The following CDC42BPA variants were observed in gnomAD, a reference collection of about 807,000 sequenced individuals.
CDC42BPA encodes the protein serine/threonine-protein kinase MRCK alpha.
CDC42BPA carries 80 observed loss-of-function variants against 223.5 expected under a neutral mutation model. The ratio of observed to expected loss-of-function variants is 0.36; its 90% CI spans 0.30 to 0.43. CDC42BPA has a LOEUF of 0.43. Ranked by LOEUF, CDC42BPA falls within the 20% of genes least tolerant of loss-of-function variation. The pLI is 1.00. For synonymous variants in CDC42BPA, 694 were observed against 718.6 expected, an observed-to-expected ratio of 0.97 and a Z score of 0.55; for missense variants, 1,743 against 2,099.9, an observed-to-expected ratio of 0.83 and a Z score of 3.32.
chr1:227,018,947 G>A (rs1666839746), intron 32 of CDC42BPA, among the ~76,000 whole-genome samples: 1 of 152,198 alleles, frequency 6.6e-6, no homozygotes. Flanking sequence ...TGGATAAGCT[G>A]CTGACTGAGC....
Position 227,073,975 on chromosome 1 carries a change from T to A in CDC42BPA, c.2624A>T (p.Asp875Val). ...CTGCAACTCCAGTCTAGCTGACATATCCAGTTTCGCAAAACGACGCATTTT... is the reference window on the plus strand; with the variant it reads ...CTGCAACTCCAGTCTAGCTGACATAACCAGTTTCGCAAAACGACGCATTTT... Reference protein sequence around the residue: ...PWKMRRFAKLDMSARLELQSA... With the variant: ...PWKMRRFAKLVMSARLELQSA... Residue 875 changes from aspartate (D) to valine (V), a missense_variant, in exon 19 of 37, where the codon GAT (aspartate) becomes GTT (valine). Coordinates refer to ENST00000366766, the MANE Select transcript of CDC42BPA (RefSeq NM_001394014.1). 1.2e-6 allele frequency: 2 copies of A among 1,612,370 alleles called. No homozygotes were observed. Among genetic ancestry groups the A allele is most frequent in the Non-Finnish European group, 8.5e-7 (1 of 1,179,516 alleles).
intron 21 of CDC42BPA, among the ~76,000 whole-genome samples, chr1:227,065,008 A>G (rs1161891102): frequency 6.6e-6 from 1 of 151,940 alleles, no homozygotes; most frequent in Admixed American, 6.6e-5. Flanking sequence ...GAGGCAGGAG[A>G]ATGGCGTGAA....
At chr1:227,105,843 G>C (rs570717011) in intron 14 of CDC42BPA, among the ~76,000 whole-genome samples, 1 of 152,164 alleles carries the variant, frequency 6.6e-6, no homozygotes, top group Admixed American at 6.5e-5. Context: ...TTATCCATCT[G>C]TTGATGAACA....
intron 1 of CDC42BPA, among the ~76,000 whole-genome samples, chr1:227,306,516 C>T (rs1339503279): frequency 6.6e-6 from 1 of 152,122 alleles, no homozygotes; most frequent in Non-Finnish European, 1.5e-5. Context: ...ATGTATTAGT[C>T]AGAAATGGGT....
chr1:227,300,056 G>C (rs1034461825), intron 1 of CDC42BPA, among the ~76,000 whole-genome samples: 1 of 151,164 alleles, frequency 6.6e-6, no homozygotes, highest in Non-Finnish European at 1.5e-5. Flanking sequence ...GGAAGAGCTG[G>C]TCAGTTCTTT....
At chr1:227,301,786 A>G (rs1282883198) in intron 1 of CDC42BPA, among the ~76,000 whole-genome samples, 1 of 152,132 alleles carries the variant, frequency 6.6e-6, no homozygotes, top group East Asian at 1.9e-4. Context: ...CGTACCTACT[A>G]TCACTTCCAC....
At chr1:227,074,456 A>G (rs1679054458) in intron 17 of CDC42BPA, 92 bp from the exon 18 acceptor site, 1 of 892,592 alleles carries the variant, frequency 1.1e-6, no homozygotes, top group Non-Finnish European at 1.7e-6. Context: ...AATAAGTGGT[A>G]GGAAATTCAA....
chr1:227,253,394 G>A (rs1344122119), intron 2 of CDC42BPA, among the ~76,000 whole-genome samples: 1 of 152,170 alleles, frequency 6.6e-6, no homozygotes, highest in African/African-American at 2.4e-5. Context: ...TCAGGAATTT[G>A]AGACCCGCCT....
intron 5 of CDC42BPA, among the ~76,000 whole-genome samples, chr1:227,171,244 T>G (rs1188798199): frequency 1.3e-5 from 2 of 152,246 alleles, no homozygotes; most frequent in African/African-American, 2.4e-5. Context: ...ATGAATAATT[T>G]TCCTTGTCCC....
In CDC42BPA at chr1:227,176,173, G is replaced by A. The variant is rs141424604; in HGVS notation, c.600-15537C>T. Among the ~76,000 whole-genome samples, 283 of 152,144 alleles carry A rather than the reference G, an allele frequency of 1.9e-3. 2 individuals are homozygous for A. Among genetic ancestry groups the A allele is most frequent in the Non-Finnish European group, 2.0e-3 (138 of 67,998 alleles). ...TCACCATGTTAGCCAGGCTGGTCTC[G>A]AATTCCTGATCTTAAGTGATCTGCC... is the stretch of plus-strand genomic sequence containing the variant. On this transcript the variant is annotated intron_variant, in intron 5 of 36. Coordinates refer to ENST00000366766, the MANE Select transcript of CDC42BPA (RefSeq NM_001394014.1).
At chr1:227,240,692 C>CAA (rs35377176) in intron 2 of CDC42BPA, among the ~76,000 whole-genome samples, 15 of 140,750 alleles carry the variant, frequency 1.1e-4, no homozygotes, top group South Asian at 2.2e-4. Flanking sequence ...GCTACAAATA[C>CAA]AAAAAAAAAA....
intron 3 of CDC42BPA, among the ~76,000 whole-genome samples, chr1:227,210,936 A>G (rs1310473373): frequency 1.3e-5 from 2 of 152,162 alleles, no homozygotes; most frequent in South Asian, 2.1e-4. Flanking sequence ...AATGTAGGAC[A>G]CTTCTCAAGA....
rs1677902451 is a variant in CDC42BPA at position 227,069,828 on chromosome 1, A to G, written c.2853T>C (p.His951=). Residue 951 remains histidine, a synonymous_variant, in exon 21 of 37, where the codon CAT becomes CAC. Coordinates refer to ENST00000366766, the MANE Select transcript of CDC42BPA (RefSeq NM_001394014.1). ...EKGIEHQDSQ[H]SFLAFLNTPT... Reference sequence around the variant, plus strand: ...GCGTATTCAAAAATGCCAAGAAAGAATGCTGTGAGTCTTGGTGCTCTATAC... The same window carrying G: ...GCGTATTCAAAAATGCCAAGAAAGAGTGCTGTGAGTCTTGGTGCTCTATAC... 6.2e-7 allele frequency: 1 copy of G among 1,611,800 alleles called. No homozygotes were observed. The highest frequency in any genetic ancestry group is 1.3e-5 in the African/African-American group (1 of 74,982).
intron 21 of CDC42BPA, among the ~76,000 whole-genome samples, chr1:227,064,870 G>A (rs879373503): frequency 1.3e-5 from 2 of 152,062 alleles, no homozygotes; most frequent in African/African-American, 2.4e-5. Context: ...GGCCGAGGTG[G>A]GCAGATCACG....
chr1:227,173,763 T>TAAATCGGTATCCATGTAATA (rs1382476374), intron 5 of CDC42BPA, among the ~76,000 whole-genome samples: 8 of 152,140 alleles, frequency 5.3e-5, no homozygotes, highest in Non-Finnish European at 1.0e-4. Flanking sequence ...CTGGCTGATT[T>TAAATCGGTATCCATGTAATA]AAATCGGTAT....
chr1:227,239,253 G>A (rs1164757051), intron 2 of CDC42BPA, among the ~76,000 whole-genome samples: 1 of 152,190 alleles, frequency 6.6e-6, no homozygotes, highest in Non-Finnish European at 1.5e-5. Flanking sequence ...GTGGTGGCCA[G>A]GGGTCAGTGG....
intron 10 of CDC42BPA, among the ~76,000 whole-genome samples, chr1:227,138,194 CTT>C (rs1658989799): frequency 1.3e-5 from 2 of 151,954 alleles, no homozygotes; most frequent in African/African-American, 2.4e-5. Context: ...GATTGTAAAA[CTT>C]TGATTAGTTA....
At position 227,095,243 on chromosome 1, in the gene CDC42BPA, T is replaced by C. The variant is rs550076476; in HGVS notation, c.2250-3252A>G. 3.3e-5 allele frequency among the ~76,000 whole-genome samples: 5 copies of C among 152,348 alleles called. No individual in the cohort carries two copies. In the South Asian group the frequency reaches 1.0e-3, roughly 32 times the overall value. ...TTCATTTGGAAATCTGAGGAAAACA[T>C]CTGTGATGTGTAGACTTCCTATGCT... On this transcript the variant is annotated intron_variant, in intron 15 of 36. Transcript: ENST00000366766.
chr1:227,213,855 CATCT>C (rs1358455401), intron 2 of CDC42BPA, among the ~76,000 whole-genome samples: 3 of 152,022 alleles, frequency 2.0e-5, no homozygotes, highest in Non-Finnish European at 4.4e-5. Flanking sequence ...AAAAAAGGAA[CATCT>C]ATTTCTGTAT....
Sources: gnomAD v4.1 joint callset for allele counts (sites outside exome capture counted in the v4.1 genomes callset) on GRCh38, gnomAD v4.1.1 for gene constraint, MANE v1.5 for transcripts, NCBI Gene and HGNC (gene_info 2026-07-23, HGNC 2026-07-21) for gene names.